NTM: variants seen among roughly 807,000 people sequenced by gnomAD.
The protein encoded by NTM is neurotrimin.
In NTM, 13 loss-of-function variants were observed where a neutral mutation model predicts 42.1. The ratio of observed to expected loss-of-function variants is 0.31; its 90% CI spans 0.20 to 0.49. NTM has a LOEUF of 0.49. Ranked by LOEUF, NTM falls within the 20% of genes least tolerant of loss-of-function variation. The pLI is 0.99. For missense variants in NTM, 373 were observed against 452.8 expected, an observed-to-expected ratio of 0.82 and a Z score of 1.60; for synonymous variants, 187 against 179.2, an observed-to-expected ratio of 1.04 and a Z score of -0.35.
At chr11:132,235,820 A>G (rs1197203459) in intron 4 of NTM, among the ~76,000 whole-genome samples, 1 of 152,216 alleles carries the variant, frequency 6.6e-6, no homozygotes, top group East Asian at 1.9e-4. Context: ...TGGCATATGC[A>G]GTCTATTTGA....
intron 1 of NTM, among the ~76,000 whole-genome samples, chr11:131,713,203 G>A (rs1449337933): frequency 6.6e-6 from 1 of 152,114 alleles, no homozygotes; most frequent in Non-Finnish European, 1.5e-5. Context: ...GCAACAAAAC[G>A]GAAACATGGT....
At chr11:131,422,568 C>T (rs1947648566) in intron 1 of NTM, among the ~76,000 whole-genome samples, 1 of 152,236 alleles carries the variant, frequency 6.6e-6, no homozygotes, top group African/African-American at 2.4e-5. Context: ...CCCAAATTAA[C>T]AAGCATCTTT....
chr11:131,712,979 T>C (rs77243758), intron 1 of NTM, among the ~76,000 whole-genome samples: 4,268 of 152,210 alleles, frequency 0.028, 190 homozygotes, highest in African/African-American at 0.091. Flanking sequence ...AGCAAGCTAG[T>C]AGCAGAGAGG....
At chr11:131,977,778 G>T (rs1156672627) in intron 2 of NTM, among the ~76,000 whole-genome samples, 1 of 150,424 alleles carries the variant, frequency 6.6e-6, no homozygotes, top group African/African-American at 2.4e-5. Flanking sequence ...TGCAATGTGA[G>T]TTTCTCGAAG....
intron 1 of NTM, among the ~76,000 whole-genome samples, chr11:131,696,246 C>A (rs2075426755): frequency 6.6e-6 from 1 of 152,156 alleles, no homozygotes; most frequent in Middle Eastern, 3.2e-3. Flanking sequence ...GATGACACAG[C>A]ACAGGACGCA....
At chr11:131,866,984 G>T (rs1196017218) in intron 1 of NTM, among the ~76,000 whole-genome samples, 3 of 152,216 alleles carry the variant, frequency 2.0e-5, no homozygotes, top group African/African-American at 7.2e-5. Flanking sequence ...AGCCAAGATG[G>T]AGAACAGGGA....
At chr11:131,823,899 A>G (rs1490834815) in intron 1 of NTM, among the ~76,000 whole-genome samples, 1 of 152,226 alleles carries the variant, frequency 6.6e-6, no homozygotes, top group Non-Finnish European at 1.5e-5. Context: ...AGTCAGAAAG[A>G]CATGAAAGCG....
chr11:132,181,445 G>A (rs2077563946), intron 3 of NTM, among the ~76,000 whole-genome samples: 1 of 152,182 alleles, frequency 6.6e-6, no homozygotes, highest in South Asian at 2.1e-4. Flanking sequence ...TTTATGTCCT[G>A]CAGACAACTT....
chr11:131,394,205 C>A (rs1040743656), intron 1 of NTM, among the ~76,000 whole-genome samples: 2 of 152,162 alleles, frequency 1.3e-5, no homozygotes, highest in Non-Finnish European at 2.9e-5. Flanking sequence ...GATTCCCAGT[C>A]CCAGCTTGAA....
chr11:132,261,167 T>A (rs1281613572), intron 4 of NTM, among the ~76,000 whole-genome samples: 1 of 152,126 alleles, frequency 6.6e-6, no homozygotes, highest in Non-Finnish European at 1.5e-5. Context: ...AAGGTGGGCT[T>A]TTTATGGAGA....
chr11:131,931,281 A>C (rs976977532), intron 2 of NTM, among the ~76,000 whole-genome samples: 1 of 151,894 alleles, frequency 6.6e-6, no homozygotes, highest in Admixed American at 6.6e-5. Context: ...TCTATACAAA[A>C]TACAAAAATT....
At chr11:131,888,943 C>T (rs185319169) in intron 1 of NTM, among the ~76,000 whole-genome samples, 3 of 151,412 alleles carry the variant, frequency 2.0e-5, no homozygotes. Flanking sequence ...TGACAAGGAC[C>T]GTGGACATAA....
intron 1 of NTM, among the ~76,000 whole-genome samples, chr11:131,428,165 C>T (rs546696738): frequency 1.3e-5 from 2 of 152,168 alleles, no homozygotes; most frequent in Admixed American, 6.5e-5. Flanking sequence ...AAACCTTCTC[C>T]TCCCCTTGAT....
chr11:131,730,873 A>G (rs1339236568), intron 1 of NTM, among the ~76,000 whole-genome samples: 2 of 152,172 alleles, frequency 1.3e-5, no homozygotes, highest in Admixed American at 1.3e-4. Flanking sequence ...TCTCTCTGAT[A>G]TAAAACAGTC....
intron 2 of NTM, among the ~76,000 whole-genome samples, chr11:132,105,047 C>A (rs2062178723): frequency 6.9e-6 from 1 of 145,078 alleles, no homozygotes; most frequent in Non-Finnish European, 1.5e-5. Context: ...GGAAGCCCAT[C>A]TCTGATGAGC....
chr11:131,953,989 G>A (rs916408502), intron 2 of NTM, among the ~76,000 whole-genome samples: 2 of 152,192 alleles, frequency 1.3e-5, no homozygotes, highest in Non-Finnish European at 2.9e-5. Flanking sequence ...AAGTCCATCT[G>A]TAAGGCAGGC....
At chr11:131,570,697 C>T (rs1245475051) in intron 1 of NTM, among the ~76,000 whole-genome samples, 1 of 152,144 alleles carries the variant, frequency 6.6e-6, no homozygotes, top group African/African-American at 2.4e-5. Flanking sequence ...GTGGTGCGTG[C>T]CAGTAGTCCC....
At chr11:131,997,589 A>C (rs545809174) in intron 2 of NTM, among the ~76,000 whole-genome samples, 1 of 152,232 alleles carries the variant, frequency 6.6e-6, no homozygotes, top group East Asian at 1.9e-4. Context: ...ATCATTGACA[A>C]ATTTTCTGAA....
intron 3 of NTM, among the ~76,000 whole-genome samples, chr11:132,164,693 G>T (rs998729566): frequency 2.0e-5 from 3 of 152,100 alleles, no homozygotes; most frequent in African/African-American, 7.2e-5. Flanking sequence ...GACACTTGCT[G>T]TTCTTCCACA....
Sources: gnomAD v4.1 joint callset for allele counts (sites outside exome capture counted in the v4.1 genomes callset) on GRCh38, gnomAD v4.1.1 for gene constraint, MANE v1.5 for transcripts, NCBI Gene and HGNC (gene_info 2026-07-23, HGNC 2026-07-21) for gene names.